The following PRSS22 variants were observed in gnomAD, a reference collection of about 807,000 sequenced individuals.
PRSS22 encodes serine protease 22, also known as brain-specific serine protease 4.
A neutral mutation model predicts 28.0 loss-of-function variants in PRSS22; 26 were observed. That is an observed-to-expected ratio of 0.93 (90% CI 0.68 to 1.29). PRSS22 has a LOEUF of 1.29. Ranked by LOEUF, PRSS22 falls within the 50% of genes most tolerant of loss-of-function variation. The pLI is 0.00. For missense variants in PRSS22, 444 were observed against 422.1 expected (o/e 1.05, Z -0.46); for synonymous variants, 217 against 177.9 (o/e 1.22, Z -1.75).
chr16:2,855,584 G>A lies in PRSS22; in HGVS notation c.549C>T (p.Ile183=). 6.2e-7 allele frequency: 1 copy of A among 1,614,036 alleles called. No individual in the cohort carries two copies. ...AGGAAGAAGCCGCACCTCCATCTTGGATGCTCCCCCAGCCTGAGATCCAGC... is the reference window on the plus strand; with the variant it reads ...AGGAAGAAGCCGCACCTCCATCTTGAATGCTCCCCCAGCCTGAGATCCAGC... ...THCWISGWGS[I]QDGVPLPHPQ... The change falls in exon 4 of 6, where the codon ATC becomes ATT. Residue 183 remains isoleucine (I), a synonymous_variant. Coordinates refer to ENST00000161006, the MANE Select transcript of PRSS22 (RefSeq NM_022119.4).
chr16:2,854,119 G>T (rs2069433463), intron 4 of PRSS22, 97 bp from the exon 5 acceptor site: 2 of 1,379,698 alleles, frequency 1.4e-6, no homozygotes, highest in Non-Finnish European at 2.0e-6. Context: ...TCTCAGCAGC[G>T]GTTCTCAAAG....
intron 1 of PRSS22, chr16:2,857,509 C>T (rs1424364278): frequency 5.5e-6 from 1 of 182,300 alleles, no homozygotes; most frequent in African/African-American, 2.4e-5. Flanking sequence ...CCCAGGGCCC[C>T]TACCGGCGGG....
chr16:2,853,117 GC>G lies in PRSS22; in HGVS notation c.929del (p.Gly310AlafsTer104). 6.3e-7 allele frequency: 1 copy of G among 1,594,856 alleles called. No individual in the cohort carries two copies. ...CCTAGGAGCGCGCGGCGGCCCCAGAGCCCTGGCTCGGTGCCCTGAGGGCCCC... is the reference window on the plus strand; with the variant it reads ...CCTAGGAGCGCGCGGCGGCCCCAGAGCCTGGCTCGGTGCCCTGAGGGCCCC... ...GGGALRAPSQ[G>X]SGAAARS On this transcript the variant is annotated frameshift_variant, in exon 6 of 6. Coordinates refer to ENST00000161006, the MANE Select transcript of PRSS22 (RefSeq NM_022119.4). LOFTEE classifies it low-confidence loss of function (END_TRUNC). This position sits in a 1 kb window ranked among gnomAD's most constrained non-coding sequence, Gnocchi z 4.6.
intron 4 of PRSS22, chr16:2,854,424 CTG>C (rs2069436173): frequency 5.3e-6 from 1 of 187,074 alleles, no homozygotes; most frequent in African/African-American, 2.3e-5. Flanking sequence ...GGTCTACAGA[CTG>C]TGGTCTGCAG....
intron 4 of PRSS22, 73 bp from the exon 5 acceptor site, chr16:2,854,095 C>G (rs1596325561): frequency 2.0e-6 from 3 of 1,535,232 alleles, no homozygotes; most frequent in Admixed American, 1.7e-5. Flanking sequence ...ACTATTCCCC[C>G]CCAACACCAT....
chr16:2,853,422 C>T lies in PRSS22; in HGVS notation c.718-93G>A. 1 of 1,021,518 alleles carries T rather than the reference C, an allele frequency of 9.8e-7. No homozygotes were observed. Among genetic ancestry groups the T allele is most frequent in the East Asian group, 2.6e-5 (1 of 38,756 alleles). 63.3% of individuals were successfully genotyped at this position (1,021,518 alleles called of 1,614,324 possible). A position where few individuals can be genotyped will look rare whatever the true frequency, so the allele number is the denominator to read the frequency against. On this transcript the variant is annotated intron_variant, in intron 5 of 5. Coordinates refer to ENST00000161006, the MANE Select transcript of PRSS22 (RefSeq NM_022119.4). This position sits in a 1 kb window ranked among gnomAD's most constrained non-coding sequence, Gnocchi z 4.6. ...CTGTCAGGGGGCAGATGAGCCCCTT[C>T]CCGGGAGCCCGTTTCTCCTTCCTGG...
At chr16:2,855,541 C>A (rs2069446574) in intron 4 of PRSS22, 33 bp downstream of exon 4, 2 of 1,611,224 alleles carry the variant, frequency 1.2e-6, no homozygotes, top group Non-Finnish European at 8.5e-7. Flanking sequence ...TCCCCATCTG[C>A]CCCCAACCAC....
chr16:2,854,104 A>G (rs1391107187), intron 4 of PRSS22, 82 bp from the exon 5 acceptor site: 21 of 1,499,248 alleles, frequency 1.4e-5, no homozygotes, highest in Admixed American at 1.8e-5. Context: ...CCCCAACACC[A>G]TTCCTCTCAG....
intron 3 of PRSS22, 34 bp from the exon 4 acceptor site, chr16:2,855,885 C>T (rs771650347): frequency 3.8e-6 from 6 of 1,595,574 alleles, no homozygotes; most frequent in Non-Finnish European, 3.4e-6. Flanking sequence ...ATCAGCCAGG[C>T]CTGGTCTGGG....
chr16:2,855,644 A>G lies in PRSS22; in HGVS notation c.489T>C (p.Pro163=). 3.1e-6 allele frequency: 5 copies of G among 1,614,182 alleles called. No homozygotes were observed. Among genetic ancestry groups the G allele is most frequent in the Admixed American group, 1.7e-5 (1 of 60,028 alleles). ...TTGGAGGGAGGTGGATAGAGGCATCAGGTAGGCAGATGGGCAGGACCCGCT... is the reference window on the plus strand; with the variant it reads ...TTGGAGGGAGGTGGATAGAGGCATCGGGTAGGCAGATGGGCAGGACCCGCT... The part of the protein sequence containing the change: ...FSERVLPICL[P]DASIHLPPNT... Residue 163 remains proline (P), a synonymous_variant, in exon 4 of 6, where the codon CCT becomes CCC. Coordinates refer to ENST00000161006, the MANE Select transcript of PRSS22 (RefSeq NM_022119.4).
In PRSS22 at chr16:2,853,094, T is replaced by C. The variant is rs1319875237; in HGVS notation, c.953A>G (p.Ter318TrpextTer10). ...CCGAGCCCCGCGTCCCGCTGCGCCCTAGGAGCGCGCGGCGGCCCCAGAGCC... is the reference window on the plus strand; with the variant it reads ...CCGAGCCCCGCGTCCCGCTGCGCCCCAGGAGCGCGCGGCGGCCCCAGAGCC... The part of the protein sequence containing the change: ...SQGSGAAARS[*>W] The change falls in exon 6 of 6, where the codon TAG becomes TGG. Residue 318 changes from the stop codon to tryptophan, a stop_lost. Coordinates refer to ENST00000161006, the MANE Select transcript of PRSS22 (RefSeq NM_022119.4). The surrounding 1 kb of genome is among the most constrained non-coding windows in gnomAD (Gnocchi z 4.6). The C allele has an allele frequency of 1.9e-6, 3 of 1,581,864 alleles. No individual in the cohort carries two copies. In the African/African-American group the frequency reaches 4.0e-5, roughly 21 times the overall value.
At position 2,856,477 on chromosome 16, in the gene PRSS22, C is replaced by T. The variant is rs567923235; in HGVS notation, c.110-224G>A. On this transcript the variant is annotated intron_variant, in intron 2 of 5. Coordinates refer to ENST00000161006, the MANE Select transcript of PRSS22 (RefSeq NM_022119.4). Reference sequence around the variant, plus strand: ...CCATACCCCAAGCTCCGCCCACCTCCCCGTCCCATCCCTCCCTCCATCCTC... The same window carrying T: ...CCATACCCCAAGCTCCGCCCACCTCTCCGTCCCATCCCTCCCTCCATCCTC... Among the ~76,000 whole-genome samples the T allele has an allele frequency of 3.9e-5, 6 of 152,176 alleles. No homozygotes were observed. The East Asian group carries it at 1.2e-3, about 29-fold the overall frequency.
intron 1 of PRSS22, chr16:2,857,236 TTCCCCAGCGCCCAGTGAGGAGGGG>T (rs2069468580): frequency 4.1e-5 from 4 of 98,054 alleles, no homozygotes; most frequent in African/African-American, 2.1e-4. Flanking sequence ...GTGAGGAGGG[TTCCCCAGCGCCCAGTGAGGAGGGG>T]TCCCCAGCGC....
Position 2,853,046 on chromosome 16 carries a change from G to C in PRSS22, c.*47C>G, listed in dbSNP as rs1054912. ...GGCCGCCGCAGATCCAGATCCAGATGTGGATCTGGCCGCCTTTCAGATCCG... is the reference window on the plus strand; with the variant it reads ...GGCCGCCGCAGATCCAGATCCAGATCTGGATCTGGCCGCCTTTCAGATCCG... On this transcript the variant is annotated 3_prime_UTR_variant, in exon 6 of 6. Transcript: ENST00000161006. The surrounding 1 kb of genome is among the most constrained non-coding windows in gnomAD (Gnocchi z 4.6). 0.82 allele frequency: 1,078,594 copies of C among 1,309,020 alleles called. 446,132 individuals carry two copies. Among genetic ancestry groups the C allele is most frequent in the Non-Finnish European group, 0.84 (814,150 of 965,198 alleles). 81.1% of individuals were successfully genotyped at this position (1,309,020 alleles called of 1,614,324 possible). A position where few individuals can be genotyped will look rare whatever the true frequency, so the allele number is the denominator to read the frequency against.
Position 2,853,944 on chromosome 16 carries a change from C to T in PRSS22, c.638G>A (p.Trp213Ter), listed in dbSNP as rs771095605. Residue 213 changes from tryptophan (W) to a stop codon, truncating the protein, a stop_gained, in exon 5 of 6, where the codon TGG becomes TAG. Transcript: ENST00000161006. LOFTEE classifies it high-confidence loss of function. This position sits in a 1 kb window ranked among gnomAD's most constrained non-coding sequence, Gnocchi z 4.6. ...IDSEVCSHLY[W>*]RGAGQGPITE... ...GATGGGTCCCTGTCCTGCTCCCCGC[C>T]AGTACAGATGGCTGCAGACTTCCGA... 14 of 1,614,106 alleles carry T rather than the reference C, an allele frequency of 8.7e-6. No homozygotes were observed. In the African/African-American group the frequency reaches 1.7e-4, roughly 20 times the overall value.
At chr16:2,856,061 C>A (rs766598839) in intron 3 of PRSS22, 21 bp downstream of exon 3, 6 of 1,609,764 alleles carry the variant, frequency 3.7e-6, no homozygotes, top group Non-Finnish European at 5.1e-6. Context: ...AGATCAAGTG[C>A]CCCAGGCCGG....
chr16:2,856,117 G>A lies in PRSS22; in HGVS notation c.246C>T (p.Ser82=). The change falls in exon 3 of 6, where the codon AGC becomes AGT. Residue 82 remains serine, a synonymous_variant. Transcript: ENST00000161006. ...AGTGGGCAGCAGTGATCACCCAGCG[G>A]CTGGTGAGCAGAGAACCTGCGCAGT... ...THHCAGSLLT[S]RWVITAAHCF... 1.2e-6 allele frequency: 2 copies of A among 1,613,946 alleles called. No individual in the cohort carries two copies. The highest frequency in any genetic ancestry group is 2.2e-5 in the South Asian group (2 of 91,080).
In PRSS22 at chr16:2,856,773, G is replaced by A. The variant is rs1229095644; in HGVS notation, c.109+49C>T. On this transcript the variant is annotated intron_variant, in intron 2 of 5. Coordinates refer to ENST00000161006, the MANE Select transcript of PRSS22 (RefSeq NM_022119.4). ...ACGGACACATAGACACTGCCTGCGC[G>A]TGGGCCTCCTCCCTTCTCCCTCCCG... The A allele has an allele frequency of 1.0e-5, 16 of 1,549,226 alleles. No individual in the cohort carries two copies. The East Asian group carries it at 1.5e-4, about 14-fold the overall frequency.
Position 2,853,826 on chromosome 16 carries a change from G to T in PRSS22, c.717+39C>A. 1 of 1,608,592 alleles carries T rather than the reference G, an allele frequency of 6.2e-7. No homozygotes were observed. The highest frequency in any genetic ancestry group is 8.5e-7 in the Non-Finnish European group (1 of 1,177,998). On this transcript the variant is annotated intron_variant, in intron 5 of 5. Coordinates refer to ENST00000161006, the MANE Select transcript of PRSS22 (RefSeq NM_022119.4). The surrounding 1 kb of genome is among the most constrained non-coding windows in gnomAD (Gnocchi z 4.6). Reference sequence around the variant, plus strand: ...GGACTGACGCTGGCTCCTTCCCGAGGCCCTCCTGGCCAGGGGTGGGGGGCT... The same window carrying T: ...GGACTGACGCTGGCTCCTTCCCGAGTCCCTCCTGGCCAGGGGTGGGGGGCT...
Sources: gnomAD v4.1 joint callset for allele counts (sites outside exome capture counted in the v4.1 genomes callset) on GRCh38, gnomAD v4.1.1 for gene constraint, Gnocchi (gnomAD v3.1) non-coding constraint, MANE v1.5 for transcripts, NCBI Gene and HGNC (gene_info 2026-07-23, HGNC 2026-07-21) for gene names.